Variants in NFE2L2 observed in about 807,000 individuals in gnomAD.
NFE2L2 encodes NFE2 like bZIP transcription factor 2.
NFE2L2 carries 20 observed loss-of-function variants against 49.6 expected under a neutral mutation model. The ratio of observed to expected loss-of-function variants is 0.40; its 90% CI spans 0.28 to 0.59. The LOEUF (loss-of-function observed/expected upper bound fraction) is 0.59. NFE2L2 is among the 20% of genes least tolerant of loss of function. The pLI is 0.40. For missense variants in NFE2L2, 578 were observed against 714.2 expected, an observed-to-expected ratio of 0.81 and a Z score of 2.17; for synonymous variants, 244 against 256.5, an observed-to-expected ratio of 0.95 and a Z score of 0.47.
Position 177,259,471 on chromosome 2 carries a change from G to A in NFE2L2, c.45+5061C>T, listed in dbSNP as rs560785444. ...ATTATAGTACATATGCCGTAAAAAC[G>A]AATGATTAAACGTGCCTCCCCTACT... On this transcript the variant is annotated intron_variant, in intron 1 of 4. Transcript: ENST00000397062. Among the ~76,000 whole-genome samples the A allele has an allele frequency of 7.2e-5, 11 of 152,210 alleles. No homozygotes were observed. In the South Asian group the frequency reaches 2.1e-3, roughly 29 times the overall value.
At chr2:177,262,444 A>C (rs116657784) in intron 1 of NFE2L2, among the ~76,000 whole-genome samples, 3 of 152,344 alleles carry the variant, frequency 2.0e-5, no homozygotes, top group African/African-American at 7.2e-5. Context: ...ACTATATCCT[A>C]CTACCACTTC....
At position 177,231,355 on chromosome 2, in the gene NFE2L2, G is replaced by A. The variant is rs371188207; in HGVS notation, c.1248C>T (p.His416=). 22 of 1,614,126 alleles carry A rather than the reference G, an allele frequency of 1.4e-5. No homozygotes were observed. In the East Asian group the frequency reaches 2.0e-4, roughly 15 times the overall value. The change falls in exon 5 of 5, where the codon CAC becomes CAT. Residue 416 remains histidine (H), a synonymous_variant. Transcript: ENST00000397062. ...PLSPSQGQST[H]VHDAQCENTP... is the part of the protein sequence containing the mutation. ...TGTTCTCACATTGGGCATCATGCACGTGAGTGCTCTGCCCCTGAGATGGTG... is the reference window on the plus strand; with the variant it reads ...TGTTCTCACATTGGGCATCATGCACATGAGTGCTCTGCCCCTGAGATGGTG...
chr2:177,262,176 A>C (rs1236020138), intron 1 of NFE2L2, among the ~76,000 whole-genome samples: 2 of 152,234 alleles, frequency 1.3e-5, no homozygotes, highest in Non-Finnish European at 2.9e-5. Flanking sequence ...CACATATCTA[A>C]AAAGTCAAGT....
chr2:177,264,262 C>G (rs1690857268), intron 1 of NFE2L2: 5 of 407,360 alleles, frequency 1.2e-5, no homozygotes, highest in Non-Finnish European at 1.7e-5. Flanking sequence ...CCCCAAGGCC[C>G]ACGCGAGCGG....
chr2:177,247,225 T>C (rs1690163305), intron 1 of NFE2L2, among the ~76,000 whole-genome samples: 1 of 152,120 alleles, frequency 6.6e-6, no homozygotes, highest in African/African-American at 2.4e-5. Flanking sequence ...CATGTGTCCT[T>C]CACACCTTGT....
At chr2:177,256,342 A>G (rs1690522782) in intron 1 of NFE2L2, among the ~76,000 whole-genome samples, 1 of 152,160 alleles carries the variant, frequency 6.6e-6, no homozygotes, top group South Asian at 2.1e-4. Flanking sequence ...GAAGCAGAGC[A>G]GACAAGAGAT....
chr2:177,236,965 A>T (rs908459876), intron 1 of NFE2L2, among the ~76,000 whole-genome samples: 2 of 152,030 alleles, frequency 1.3e-5, no homozygotes, highest in African/African-American at 4.8e-5. Flanking sequence ...CCTGGGCTCA[A>T]GTGATCCTCC....
rs193259326 is a variant in NFE2L2, at chr2:177,245,923, T to G, written c.46-11652A>C. Among the ~76,000 whole-genome samples the G allele has an allele frequency of 6.6e-4, 101 of 152,280 alleles. 1 individual carries two copies. The highest frequency in any genetic ancestry group is 2.4e-3 in the African/African-American group (98 of 41,558). ...CTGCGTCCAGCCTGTAATCTTCATT[T>G]CTAGATGAACACGTTGAGGCTTCGG... On this transcript the variant is annotated intron_variant, in intron 1 of 4. Coordinates refer to ENST00000397062, the MANE Select transcript of NFE2L2 (RefSeq NM_006164.5).
rs1344030796 is a variant in NFE2L2, at chr2:177,263,666, C to A, written c.45+866G>T. The A allele has an allele frequency of 4.1e-6, 4 of 985,404 alleles. No individual in the cohort carries two copies. In the East Asian group the frequency reaches 4.5e-4, roughly 112 times the overall value. The allele number at this position is 985,404 out of a possible 1,614,324, so 61.0% of individuals were successfully genotyped here. ...CGCGGTGAGCGCCACCAGGGGGCAC[C>A]GCGTCCGAACTAGAAGCCCCGGGTG... On this transcript the variant is annotated intron_variant, in intron 1 of 4. Coordinates refer to ENST00000397062, the MANE Select transcript of NFE2L2 (RefSeq NM_006164.5).
intron 1 of NFE2L2, among the ~76,000 whole-genome samples, chr2:177,237,682 C>A (rs1224618977): frequency 6.6e-6 from 1 of 152,146 alleles, no homozygotes; most frequent in Non-Finnish European, 1.5e-5. Flanking sequence ...CCATGCCCGG[C>A]TAATTTTTCT....
intron 1 of NFE2L2, among the ~76,000 whole-genome samples, chr2:177,247,416 C>CT (rs1262241904): frequency 7.2e-5 from 11 of 152,116 alleles, no homozygotes; most frequent in Non-Finnish European, 1.6e-4. Context: ...AATCCCAGCA[C>CT]TTTGGGAGGC....
intron 1 of NFE2L2, among the ~76,000 whole-genome samples, chr2:177,254,154 C>G (rs1406070903): frequency 6.6e-6 from 1 of 152,162 alleles, no homozygotes; most frequent in Non-Finnish European, 1.5e-5. Context: ...CCTTTTGTTA[C>G]CAATTCCTTG....
chr2:177,261,815 T>G (rs1202524472), intron 1 of NFE2L2, among the ~76,000 whole-genome samples: 1 of 152,148 alleles, frequency 6.6e-6, no homozygotes, highest in East Asian at 1.9e-4. Flanking sequence ...GAGGAACAGT[T>G]AAGGAGGAAA....
At chr2:177,246,545 A>G (rs993610820) in intron 1 of NFE2L2, among the ~76,000 whole-genome samples, 16 of 151,440 alleles carry the variant, frequency 1.1e-4, no homozygotes, top group African/African-American at 3.9e-4. Flanking sequence ...CTCATTTAAT[A>G]TATTTTGGAG....
chr2:177,250,839 C>A (rs981499060), intron 1 of NFE2L2, among the ~76,000 whole-genome samples: 3 of 152,206 alleles, frequency 2.0e-5, no homozygotes, highest in Admixed American at 2.0e-4. Flanking sequence ...AGCCACCGAA[C>A]CTCCCTGTGC....
chr2:177,232,276 C>A (rs1301792199), intron 4 of NFE2L2, 116 bp downstream of exon 4: 4 of 1,090,020 alleles, frequency 3.7e-6, no homozygotes, highest in Non-Finnish European at 5.1e-6. Flanking sequence ...GTACTCATGA[C>A]TAAGTTAATA....
chr2:177,260,960 C>A (rs961524559), intron 1 of NFE2L2, among the ~76,000 whole-genome samples: 2 of 152,042 alleles, frequency 1.3e-5, no homozygotes, highest in Non-Finnish European at 2.9e-5. Context: ...CACCTGAGGT[C>A]AGGAGTTCGA....
At chr2:177,261,413 A>T (rs551695420) in intron 1 of NFE2L2, among the ~76,000 whole-genome samples, 1 of 152,310 alleles carries the variant, frequency 6.6e-6, no homozygotes, top group Admixed American at 6.5e-5. Flanking sequence ...AGAATAGGCA[A>T]ATCTCAACTT....
intron 1 of NFE2L2, among the ~76,000 whole-genome samples, chr2:177,264,136 C>G (rs1030591179): frequency 6.6e-6 from 1 of 152,150 alleles, no homozygotes; most frequent in Non-Finnish European, 1.5e-5. Context: ...AGGGCCGGGC[C>G]GCGCCGGCTC....
Sources: gnomAD v4.1 joint callset for allele counts (sites outside exome capture counted in the v4.1 genomes callset) on GRCh38, gnomAD v4.1.1 for gene constraint, MANE v1.5 for transcripts, NCBI Gene and HGNC (gene_info 2026-07-23, HGNC 2026-07-21) for gene names.